The following SLC1A6 variants were observed in gnomAD, a reference collection of about 807,000 sequenced individuals.
SLC1A6 encodes excitatory amino acid transporter 4.
SLC1A6 carries 15 observed loss-of-function variants against 42.1 expected under a neutral mutation model. The observed-to-expected ratio is 0.36, with a 90% CI of 0.24 to 0.55. SLC1A6 has a LOEUF of 0.55. Ranked by LOEUF, SLC1A6 falls within the 20% of genes least tolerant of loss-of-function variation. SLC1A6 has a pLI of 0.88. For missense variants in SLC1A6, 542 were observed against 772.5 expected, an observed-to-expected ratio of 0.70 and a Z score of 3.54; for synonymous variants, 317 against 319.7, an observed-to-expected ratio of 0.99 and a Z score of 0.09.
At chr19:14,983,623 T>G (rs2045778549), upstream of SLC1A6, among the ~76,000 whole-genome samples, 1 of 147,972 alleles carries the variant, frequency 6.8e-6, no homozygotes, top group Non-Finnish European at 1.5e-5. Context: ...GGAAGGTTGA[T>G]GCTGCAGTGA....
intron 1 of SLC1A6, among the ~76,000 whole-genome samples, chr19:14,993,411 G>A (rs762640056): frequency 6.6e-6 from 1 of 152,016 alleles, no homozygotes; most frequent in Non-Finnish European, 1.5e-5. Flanking sequence ...TCACTGAACC[G>A]TCAACTTTCA....
intron 1 of SLC1A6, among the ~76,000 whole-genome samples, chr19:15,010,016 A>T (rs1214219958): frequency 4.7e-4 from 2 of 4,272 alleles, no homozygotes; most frequent in East Asian, 0.05. Flanking sequence ...CGTCTCTACT[A>T]AAAAAAAAAA....
intron 1 of SLC1A6, among the ~76,000 whole-genome samples, chr19:14,987,129 C>T (rs1271877576): frequency 2.0e-5 from 3 of 152,130 alleles, no homozygotes; most frequent in African/African-American, 7.2e-5. Flanking sequence ...TTGCAGGCTA[C>T]ACTTTGCAAA....
chr19:15,010,320 A>C (rs1413588410), intron 1 of SLC1A6, among the ~76,000 whole-genome samples: 3 of 152,154 alleles, frequency 2.0e-5, no homozygotes, highest in African/African-American at 7.2e-5. Context: ...TGAAGACTGC[A>C]AAGTGGCCAG....
intron 6 of SLC1A6, among the ~76,000 whole-genome samples, chr19:14,957,110 G>GC: frequency 6.6e-6 from 1 of 151,904 alleles, no homozygotes; most frequent in Non-Finnish European, 1.5e-5. Flanking sequence ...CTTATCTTCT[G>GC]CCCCCAACTG....
chr19:14,961,908 A>C, intron 6 of SLC1A6, 94 bp downstream of exon 6: 1 of 1,502,588 alleles, frequency 6.7e-7, no homozygotes, highest in South Asian at 1.4e-5. Flanking sequence ...TAAATGAATG[A>C]CCAAAAGTCC....
intron 1 of SLC1A6, among the ~76,000 whole-genome samples, chr19:14,994,254 G>T (rs2045834514): frequency 1.3e-5 from 2 of 152,068 alleles, no homozygotes; most frequent in Admixed American, 1.3e-4. Context: ...CAAGAGGGAT[G>T]AAAGAGGGTG....
upstream of SLC1A6, among the ~76,000 whole-genome samples, chr19:14,982,151 C>T (rs1020076686): frequency 9.9e-5 from 15 of 151,920 alleles, no homozygotes; most frequent in East Asian, 1.9e-4. Flanking sequence ...GACAACAAAA[C>T]GTAATGTGAG....
chr19:14,996,725 G>T (rs552391212), intron 1 of SLC1A6, among the ~76,000 whole-genome samples: 1 of 152,070 alleles, frequency 6.6e-6, no homozygotes, highest in East Asian at 1.9e-4. Flanking sequence ...CTGGCTCTTA[G>T]CCTGGTGCCT....
At chr19:14,999,415 C>A (rs4808815) in intron 1 of SLC1A6, among the ~76,000 whole-genome samples, 130,745 of 152,138 alleles carry the variant, frequency 0.86, 56,200 homozygotes, top group East Asian at 0.92. Flanking sequence ...TCTGAGTCGA[C>A]CCAATGTACA....
chr19:14,985,704 C>G (rs1170581765), intron 1 of SLC1A6, among the ~76,000 whole-genome samples: 4 of 152,250 alleles, frequency 2.6e-5, no homozygotes, highest in African/African-American at 9.6e-5. Flanking sequence ...TGGCTCACGC[C>G]TATAATCCCA....
chr19:15,002,509 C>G (rs2045876704), intron 1 of SLC1A6, among the ~76,000 whole-genome samples: 1 of 152,122 alleles, frequency 6.6e-6, no homozygotes, highest in East Asian at 1.9e-4. Context: ...CGCTTTGTAA[C>G]CTAATCTCAG....
At chr19:15,001,815 T>C (rs780170064) in intron 1 of SLC1A6, among the ~76,000 whole-genome samples, 3 of 152,016 alleles carry the variant, frequency 2.0e-5, no homozygotes, top group Non-Finnish European at 4.4e-5. Flanking sequence ...GCACACACCA[T>C]AATGCCCTGC....
chr19:14,986,993 C>CT (rs1164122245), intron 1 of SLC1A6, among the ~76,000 whole-genome samples: 1 of 152,126 alleles, frequency 6.6e-6, no homozygotes, highest in African/African-American at 2.4e-5. Context: ...CTCGCCCTTA[C>CT]TTTTGCTCCA....
At chr19:14,990,180 T>C (rs1380837390) in intron 1 of SLC1A6, among the ~76,000 whole-genome samples, 4 of 150,452 alleles carry the variant, frequency 2.7e-5, no homozygotes, top group Non-Finnish European at 4.4e-5. Flanking sequence ...AACCTAAGTG[T>C]CCACCGAGAA....
At chr19:14,968,607 G>A (rs576344373) in intron 3 of SLC1A6, 100 bp from the exon 4 acceptor site, 859 of 1,006,908 alleles carry the variant, frequency 8.5e-4, no homozygotes, top group South Asian at 2.4e-3. Flanking sequence ...CTCAACAGCC[G>A]ACCCACCAAG....
intron 1 of SLC1A6, among the ~76,000 whole-genome samples, chr19:15,006,928 G>A (rs1419173719): frequency 1.3e-5 from 2 of 152,102 alleles, no homozygotes; most frequent in African/African-American, 4.8e-5. Flanking sequence ...ACTCCAGCCT[G>A]GGTGACAGAG....
chr19:14,964,197 A>G (rs2045548024), intron 5 of SLC1A6, 122 bp downstream of exon 5: 1 of 791,070 alleles, frequency 1.3e-6, no homozygotes, highest in Admixed American at 1.9e-5. Flanking sequence ...ACTCCTCAAG[A>G]ACCCCTGCCC....
intron 4 of SLC1A6, among the ~76,000 whole-genome samples, chr19:14,966,158 A>C (rs895816458): frequency 2.0e-5 from 3 of 152,174 alleles, no homozygotes; most frequent in Admixed American, 1.3e-4. Context: ...GTAACAAAGA[A>C]ACACTTGCTC....
Sources: gnomAD v4.1 joint callset for allele counts (sites outside exome capture counted in the v4.1 genomes callset) on GRCh38, gnomAD v4.1.1 for gene constraint, MANE v1.5 for transcripts, NCBI Gene and HGNC (gene_info 2026-07-23, HGNC 2026-07-21) for gene names.